POR: variants seen among roughly 807,000 people sequenced by gnomAD.
POR encodes cytochrome p450 oxidoreductase, also known as NADPH--cytochrome P450 reductase.
Under a neutral mutation model 84.0 loss-of-function variants are expected in POR, and 56 were observed. The observed-to-expected ratio is 0.67, with a 90% confidence interval of 0.54 to 0.83. The LOEUF (loss-of-function observed/expected upper bound fraction) is 0.83. Ranked by LOEUF, POR falls within the 40% of genes least tolerant of loss-of-function variation. The pLI, the probability that POR is intolerant of heterozygous loss-of-function variation, is 0.00. For synonymous variants in POR, 414 were observed against 400.5 expected (o/e 1.03, Z -0.40); for missense variants, 938 against 944.3 (o/e 0.99, Z 0.09).
chr7:75,944,604 A>C (rs1787097153), intron 1 of POR, among the ~76,000 whole-genome samples: 1 of 150,134 alleles, frequency 6.7e-6, no homozygotes, highest in African/African-American at 2.5e-5. Context: ...AATAAAAATC[A>C]ATCACTATAC....
chr7:75,984,662 A>C, intron 10 of POR, 115 bp from the exon 11 acceptor site: 1 of 918,500 alleles, frequency 1.1e-6, no homozygotes. Context: ...TTCCAGCACC[A>C]GCTGGGGCAC....
intron 3 of POR, among the ~76,000 whole-genome samples, chr7:75,975,932 G>T (rs1218676333): frequency 6.8e-6 from 1 of 146,400 alleles, no homozygotes; most frequent in Admixed American, 7.2e-5. Context: ...GATTACAGGT[G>T]TGAGCCACTG....
chr7:75,968,413 C>G, intron 2 of POR: 1 of 388,834 alleles, frequency 2.6e-6, no homozygotes, highest in Non-Finnish European at 5.3e-6. Context: ...GACTGGAGAC[C>G]AGGAAGGCCT....
At chr7:75,973,376 C>T (rs1788525938) in intron 3 of POR, among the ~76,000 whole-genome samples, 1 of 151,936 alleles carries the variant, frequency 6.6e-6, no homozygotes, top group Non-Finnish European at 1.5e-5. Flanking sequence ...TGCAGCGGCG[C>T]CATCATAGCT....
At chr7:75,980,751 A>T (rs1585128726) in intron 5 of POR, 1 of 1,458,082 alleles carries the variant, frequency 6.9e-7, no homozygotes, top group South Asian at 1.3e-5. Flanking sequence ...GACGACTGAG[A>T]CCTGCCTGGC....
At chr7:75,981,691 G>A in intron 7 of POR, 85 bp downstream of exon 7, 1 of 1,171,294 alleles carries the variant, frequency 8.5e-7, no homozygotes, top group Non-Finnish European at 1.2e-6. Flanking sequence ...GCTGGCAGTG[G>A]GTCGCAGCAA....
chr7:75,970,009 T>A (rs2037301921), intron 2 of POR, among the ~76,000 whole-genome samples: 1 of 151,690 alleles, frequency 6.6e-6, no homozygotes, highest in Non-Finnish European at 1.5e-5. Flanking sequence ...TTAAGTTCTG[T>A]GGTAAAGGAT....
At position 75,954,143 on chromosome 7, in the gene POR, AAAG is replaced by A. The variant is rs72553987; in HGVS notation, c.158_160del (p.Glu53del). 203 of 1,612,868 alleles carry A rather than the reference AAAG, an allele frequency of 1.3e-4. 1 individual carries two copies. The East Asian group carries it at 1.5e-3, about 12-fold the overall frequency. ...CTACTGGTTCCTCTTCAGAAAGAAA[AAAG>A]AAGAAGTCCCCGAGTTCACCAAAAT... On this transcript the variant is annotated inframe_deletion, in exon 2 of 16. Transcript: ENST00000461988.
Position 75,986,017 on chromosome 7 carries a change from C to T in POR, c.1764C>T (p.Asp588=), listed in dbSNP as rs72557949. The T allele has an allele frequency of 1.3e-4, 202 of 1,564,858 alleles. 1 individual carries two copies. The highest frequency in any genetic ancestry group is 6.2e-4 in the East Asian group (26 of 41,968). Reference sequence around the variant, plus strand: ...AGGAGCTGGCGCAGTTCCACAGGGACGGTGCGCTCACCCAGCTCAACGTGG... The same window carrying T: ...AGGAGCTGGCGCAGTTCCACAGGGATGGTGCGCTCACCCAGCTCAACGTGG... Residue 588 remains aspartate (D), a synonymous_variant, in exon 14 of 16, where the codon GAC becomes GAT. Transcript: ENST00000461988.
At chr7:75,946,596 A>C (rs1405543774) in intron 1 of POR, among the ~76,000 whole-genome samples, 4 of 152,048 alleles carry the variant, frequency 2.6e-5, no homozygotes, top group Non-Finnish European at 5.9e-5. Context: ...CTCTGTACCT[A>C]ATTTTACAGA....
chr7:75,974,210 C>T (rs893965162), intron 3 of POR, among the ~76,000 whole-genome samples: 16 of 152,136 alleles, frequency 1.1e-4, no homozygotes, highest in African/African-American at 2.7e-4. Flanking sequence ...TCGGTTTGCA[C>T]ATTTCAAATA....
chr7:75,984,825 C>G lies in POR; in HGVS notation c.1115C>G (p.Thr372Arg), dbSNP rs367810540. 6.2e-7 allele frequency: 1 copy of G among 1,612,674 alleles called. No homozygotes were observed. Among genetic ancestry groups the G allele is most frequent in the Non-Finnish European group, 8.5e-7 (1 of 1,179,812 alleles). The change falls in exon 11 of 16, where the codon ACG (threonine) becomes AGG (arginine). Residue 372 changes from threonine (T) to arginine (R), a missense_variant. Thr to Arg is a moderately conservative substitution (Grantham distance 71, BLOSUM62 -1). Transcript: ENST00000461988. ...TTCCCGTGCCCTACGTCCTACCGCA[C>G]GGCCCTCACCTACTACCTGGACATC...
chr7:75,967,136 G>A (rs771297287), intron 2 of POR, among the ~76,000 whole-genome samples: 21 of 152,076 alleles, frequency 1.4e-4, no homozygotes, highest in Non-Finnish European at 1.9e-4. Flanking sequence ...CTCTACACCC[G>A]GCTAATTTTT....
intron 1 of POR, among the ~76,000 whole-genome samples, chr7:75,922,094 C>T (rs1282458219): frequency 2.0e-5 from 3 of 152,178 alleles, no homozygotes; most frequent in Non-Finnish European, 4.4e-5. Context: ...TAATTCTCCC[C>T]TCCCTAGTGG....
At position 75,986,428 on chromosome 7, in the gene POR, T is replaced by C; in HGVS notation, c.1990T>C (p.Tyr664His). The C allele has an allele frequency of 1.2e-6, 2 of 1,612,420 alleles. No individual in the cohort carries two copies. The highest frequency in any genetic ancestry group is 1.7e-6 in the Non-Finnish European group (2 of 1,179,840). The change falls in exon 16 of 16, where the codon TAC (tyrosine) becomes CAC (histidine). Residue 664 changes from tyrosine to histidine, a missense_variant. Tyr to His is a moderately conservative substitution (Grantham distance 83, BLOSUM62 2). Coordinates refer to ENST00000461988, the MANE Select transcript of POR (RefSeq NM_000941.3). The stretch of plus-strand genomic sequence containing the variant: ...CATGGAGCACGCGCAGGCGGTGGAC[T>C]ACATCAAGAAACTGATGACCAAGGG...
At chr7:75,972,246 G>A (rs568516823) in intron 2 of POR, among the ~76,000 whole-genome samples, 167 bp from the exon 3 acceptor site, 7 of 152,150 alleles carry the variant, frequency 4.6e-5, no homozygotes, top group Non-Finnish European at 7.4e-5. Flanking sequence ...TTAGAGGCCA[G>A]CTGCTGGCTT....
chr7:75,970,863 CTT>C (rs1419111883), intron 2 of POR: 1 of 151,946 alleles, frequency 6.6e-6, no homozygotes, highest in Non-Finnish European at 1.5e-5. Flanking sequence ...CGATCAAAGT[CTT>C]TTGCCCACAT....
chr7:75,966,161 G>A (rs1554555226), intron 2 of POR, among the ~76,000 whole-genome samples: 1 of 152,200 alleles, frequency 6.6e-6, no homozygotes, highest in South Asian at 2.1e-4. Context: ...CCAGCATGCA[G>A]TAGGCACTCA....
chr7:75,958,664 A>C (rs1787791496), intron 2 of POR, among the ~76,000 whole-genome samples: 2 of 152,030 alleles, frequency 1.3e-5, no homozygotes, highest in Admixed American at 6.6e-5. Flanking sequence ...TAGGCCTCCT[A>C]CGATAGTGTT....
Sources: gnomAD v4.1 joint callset for allele counts (sites outside exome capture counted in the v4.1 genomes callset) on GRCh38, gnomAD v4.1.1 for gene constraint, MANE v1.5 for transcripts, NCBI Gene and HGNC (gene_info 2026-07-23, HGNC 2026-07-21) for gene names.